Variants in CCDC9 observed in about 807,000 individuals in gnomAD.
CCDC9 encodes the protein coiled-coil domain containing 9.
Under a neutral mutation model 65.6 loss-of-function variants are expected in CCDC9, and 52 were observed. The observed-to-expected ratio is 0.79, with a 90% CI of 0.63 to 1.00. The LOEUF (loss-of-function observed/expected upper bound fraction) is 1.00, where lower values mean the gene tolerates loss of function less well. Among genes scored for constraint, CCDC9 ranks in the 50% least tolerant of loss-of-function variants. The pLI is 0.00. For missense variants in CCDC9, 834 were observed against 757.2 expected (o/e 1.10, Z -1.19); for synonymous variants, 332 against 280.3 (o/e 1.18, Z -1.84).
Position 47,266,537 on chromosome 19 carries a change from T to C in CCDC9, c.721-74T>C. ...GCTTCCCTGTGTGATCCTGAGCAAG[T>C]GGATGTGCCTCGGGGCTTAGGGGCG... On this transcript the variant is annotated intron_variant, in intron 7 of 11. Coordinates refer to ENST00000221922, the MANE Select transcript of CCDC9 (RefSeq NM_015603.3). 3.5e-6 allele frequency: 5 copies of C among 1,441,118 alleles called. No homozygotes were observed. The South Asian group carries it at 7.4e-5, about 21-fold the overall frequency. The allele number at this position is 1,441,118 out of a possible 1,614,324, so 89.3% of individuals were successfully genotyped here.
chr19:47,263,197 G>A (rs746827954), intron 5 of CCDC9, among the ~76,000 whole-genome samples: 3 of 152,150 alleles, frequency 2.0e-5, no homozygotes, highest in Non-Finnish European at 4.4e-5. Flanking sequence ...CATCTGCCAA[G>A]TAATTACTGT....
intron 8 of CCDC9, among the ~76,000 whole-genome samples, chr19:47,268,733 C>G (rs1449935200): frequency 6.6e-6 from 1 of 151,438 alleles, no homozygotes; most frequent in African/African-American, 2.4e-5. Context: ...CTGGCTAACA[C>G]GGTGAAACCC....
At chr19:47,260,517 G>T in intron 4 of CCDC9, 71 bp from the exon 5 acceptor site, 2 of 1,588,324 alleles carry the variant, frequency 1.3e-6, no homozygotes, top group Non-Finnish European at 1.7e-6. Context: ...CTGCACCAGT[G>T]GGTGGCCTCC....
rs1294559751 is a variant in CCDC9 at position 47,271,912 on chromosome 19, C to G, written c.*234C>G. The G allele has an allele frequency of 3.8e-6, 5 of 1,306,656 alleles. No homozygotes were observed. The East Asian group carries it at 1.1e-4, about 30-fold the overall frequency. 80.9% of individuals were successfully genotyped at this position (1,306,656 alleles called of 1,614,324 possible). A position where few individuals can be genotyped will look rare whatever the true frequency, so the allele number is the denominator to read the frequency against. On this transcript the variant is annotated 3_prime_UTR_variant, in exon 12 of 12. Coordinates refer to ENST00000221922, the MANE Select transcript of CCDC9 (RefSeq NM_015603.3). ...TGTCCACTCCCAGAGCCTGCCCCAG[C>G]CCTTCGAGCCCCCTCCCCAATAAAG...
chr19:47,270,689 G>T lies in CCDC9; in HGVS notation c.1085+1G>T. 1 of 1,609,870 alleles carries T rather than the reference G, an allele frequency of 6.2e-7. No individual in the cohort carries two copies. The highest frequency in any genetic ancestry group is 8.5e-7 in the Non-Finnish European group (1 of 1,179,468). ...CCAAGGCAGCGCCCAGGGCCTACAG[G>T]TGGGGCACCCCTTCTGCGGGCTTGC... On this transcript the variant is annotated splice_donor_variant, in intron 10 of 11. Coordinates refer to ENST00000221922, the MANE Select transcript of CCDC9 (RefSeq NM_015603.3). LOFTEE classifies it high-confidence loss of function.
Position 47,271,805 on chromosome 19 carries a change from G to C in CCDC9, c.*127G>C. The C allele has an allele frequency of 6.9e-7, 1 of 1,446,376 alleles. No homozygotes were observed. Among genetic ancestry groups the C allele is most frequent in the African/African-American group, 1.4e-5 (1 of 70,414 alleles). The allele number at this position is 1,446,376 out of a possible 1,614,324, so 89.6% of individuals were successfully genotyped here. A position where few individuals can be genotyped will look rare whatever the true frequency, so the allele number is the denominator to read the frequency against. The stretch of plus-strand genomic sequence containing the variant: ...GGGGACCCTTGGGGCTGGGCCCTGG[G>C]ACCCAGTGTGCCCCACAGCCCTGTC... On this transcript the variant is annotated 3_prime_UTR_variant, in exon 12 of 12. Transcript: ENST00000221922.
intron 7 of CCDC9, 53 bp from the exon 8 acceptor site, chr19:47,266,558 G>A (rs1323053324): frequency 7.6e-6 from 11 of 1,454,380 alleles, no homozygotes; most frequent in Non-Finnish European, 9.1e-6. Context: ...CGGGGCTTAG[G>A]GGCGGGGTAG....
chr19:47,274,983 G>C (rs2059147911), downstream of CCDC9: 1 of 1,464,192 alleles, frequency 6.8e-7, no homozygotes, highest in Non-Finnish European at 9.0e-7. Context: ...GCTGAGCGAG[G>C]GCCCGCGGGG....
At chr19:47,270,486 G>C (rs771874321) in intron 9 of CCDC9, 33 bp downstream of exon 9, 22 of 1,614,036 alleles carry the variant, frequency 1.4e-5, no homozygotes, top group Non-Finnish European at 1.7e-5. Context: ...GCTGAGGCTC[G>C]GTCTGGGAGT....
At chr19:47,265,846 C>T (rs1381301598) in intron 7 of CCDC9, among the ~76,000 whole-genome samples, 2 of 151,374 alleles carry the variant, frequency 1.3e-5, no homozygotes, top group Non-Finnish European at 2.9e-5. Flanking sequence ...ACCACCATGC[C>T]CAGCTAATTT....
At chr19:47,261,109 C>T (rs1217595717) in intron 5 of CCDC9, among the ~76,000 whole-genome samples, 1 of 152,032 alleles carries the variant, frequency 6.6e-6, no homozygotes, top group Non-Finnish European at 1.5e-5. Flanking sequence ...TCCCCGTCTT[C>T]TTGTTCCTCC....
chr19:47,265,120 C>T (rs887607081), intron 7 of CCDC9, among the ~76,000 whole-genome samples, 174 bp downstream of exon 7: 1 of 151,992 alleles, frequency 6.6e-6, no homozygotes, highest in Admixed American at 6.6e-5. Flanking sequence ...TGCAGTGGCA[C>T]CATCTCGGCT....
intron 8 of CCDC9, among the ~76,000 whole-genome samples, chr19:47,269,199 C>T (rs1215651580): frequency 6.6e-6 from 1 of 152,098 alleles, no homozygotes; most frequent in Non-Finnish European, 1.5e-5. Context: ...CAGCAGCAAA[C>T]AAAACATTTC....
intron 5 of CCDC9, among the ~76,000 whole-genome samples, chr19:47,262,021 CAA>C (rs140043359): frequency 1.8e-4 from 26 of 143,736 alleles, no homozygotes; most frequent in Admixed American, 2.8e-4. Context: ...AACTCCGTCT[CAA>C]AAAAAAAAAA....
Position 47,257,955 on chromosome 19 carries a change from T to G in CCDC9, c.-71-375T>G, listed in dbSNP as rs1453109187. On this transcript the variant is annotated intron_variant, in intron 1 of 11. Coordinates refer to ENST00000221922, the MANE Select transcript of CCDC9 (RefSeq NM_015603.3). ...TGCAGGCTGGTTGGAGGGGTTGTAG[T>G]TGGAACTCTCTTGAGATAGGGAACC... 4 of 192,150 alleles carry G rather than the reference T, an allele frequency of 2.1e-5. No individual in the cohort carries two copies. In the Admixed American group the frequency reaches 2.2e-4, roughly 10 times the overall value. The allele number at this position is 192,150 out of a possible 1,614,324, so 11.9% of individuals were successfully genotyped here. A position where few individuals can be genotyped will look rare whatever the true frequency, so the allele number is the denominator to read the frequency against.
chr19:47,273,294 C>T, downstream of CCDC9: 1 of 1,022,002 alleles, frequency 9.8e-7, no homozygotes, highest in Non-Finnish European at 1.3e-6. Flanking sequence ...GGGAGGGGTG[C>T]TGGGCCGGGG....
At position 47,271,126 on chromosome 19, in the gene CCDC9, C is replaced by T. The variant is rs1446671829; in HGVS notation, c.1130C>T (p.Pro377Leu). Residue 377 changes from proline (P) to leucine (L), a missense_variant, in exon 11 of 12, where the codon CCA becomes CTA. Coordinates refer to ENST00000221922, the MANE Select transcript of CCDC9 (RefSeq NM_015603.3). The part of the protein sequence containing the change: ...RWETKEGAAS[P>L]APETPQPTSP... ...GAGACAAAAGAAGGGGCAGCATCCC[C>T]AGCCCCTGAGACTCCACAGCCTACT... The T allele has an allele frequency of 1.9e-6, 3 of 1,578,016 alleles. No homozygotes were observed. The highest frequency in any genetic ancestry group is 2.6e-6 in the Non-Finnish European group (3 of 1,163,760).
chr19:47,264,492 A>T, intron 5 of CCDC9, 111 bp from the exon 6 acceptor site: 3 of 1,002,110 alleles, frequency 3.0e-6, no homozygotes, highest in Non-Finnish European at 4.6e-6. Context: ...GTCAGATGCC[A>T]GCAGGCCAGT....
downstream of CCDC9, chr19:47,275,135 G>A (rs900425748): frequency 3.4e-6 from 5 of 1,489,882 alleles, no homozygotes; most frequent in East Asian, 2.9e-5. Context: ...CCAGCGCGCC[G>A]TCCCCTCCGT....
Sources: gnomAD v4.1 joint callset for allele counts (sites outside exome capture counted in the v4.1 genomes callset) on GRCh38, gnomAD v4.1.1 for gene constraint, MANE v1.5 for transcripts, NCBI Gene and HGNC (gene_info 2026-07-23, HGNC 2026-07-21) for gene names.